Variants in ACP1 observed in about 807,000 individuals in gnomAD.
ACP1 encodes the protein acid phosphatase 1, also known as low molecular weight phosphotyrosine protein phosphatase.
In ACP1, 23 loss-of-function variants were observed where a neutral mutation model predicts 23.4. That is an observed-to-expected ratio of 0.98 (90% CI 0.71 to 1.39). The LOEUF is 1.39. Ranked by LOEUF, ACP1 falls within the 40% of genes most tolerant of loss-of-function variation. The probability of loss-of-function intolerance (pLI) is 0.00; values close to 1 mark genes in which losing one functional copy is unlikely to be tolerated. For missense variants in ACP1, 180 were observed against 197.7 expected, an observed-to-expected ratio of 0.91 and a Z score of 0.54; for synonymous variants, 72 against 67.2, an observed-to-expected ratio of 1.07 and a Z score of -0.35.
intron 1 of ACP1, among the ~76,000 whole-genome samples, chr2:269,941 C>G (rs779826005): frequency 3.3e-5 from 5 of 152,216 alleles, no homozygotes; most frequent in Non-Finnish European, 7.3e-5. Context: ...TTTGGGTCTT[C>G]ATTTCTGAAG....
In ACP1 at chr2:277,215, C is replaced by A. The variant is rs1383645465; in HGVS notation, c.400-12C>A. The A allele has an allele frequency of 6.2e-7, 1 of 1,613,944 alleles. No homozygotes were observed. The highest frequency in any genetic ancestry group is 2.2e-5 in the East Asian group (1 of 44,882). ...AGGTTTTGCCATTTTCTTCTTTTTC[C>A]TGTCCATTTAGGGGAATGACTCTGA... On this transcript the variant is annotated splice_polypyrimidine_tract_variant and intron_variant, in intron 5 of 5. Coordinates refer to ENST00000272065, the MANE Select transcript of ACP1 (RefSeq NM_004300.4).
chr2:272,959 T>C (rs924385603), intron 3 of ACP1: 6 of 154,558 alleles, frequency 3.9e-5, no homozygotes, highest in Non-Finnish European at 7.3e-5. Context: ...TTATACAATT[T>C]ATCCATCCTC....
intron 3 of ACP1, chr2:272,673 A>T (rs1670078768): frequency 3.0e-6 from 1 of 332,606 alleles, no homozygotes; most frequent in Non-Finnish European, 5.3e-6. Flanking sequence ...TATAATATAT[A>T]CAAAAACATT....
chr2:276,673 A>G (rs906130998), intron 4 of ACP1, among the ~76,000 whole-genome samples: 20 of 152,306 alleles, frequency 1.3e-4, no homozygotes, highest in African/African-American at 3.4e-4. Flanking sequence ...GTTCCTTTCT[A>G]TGACCTTTAT....
chr2:265,162 C>A, intron 1 of ACP1, 155 bp downstream of exon 1: 1 of 801,036 alleles, frequency 1.2e-6, no homozygotes, highest in African/African-American at 1.8e-5. Context: ...CCGCAGCGCC[C>A]CTGTTCCCCA....
chr2:271,994 ATTG>A, intron 2 of ACP1, 40 bp from the exon 3 acceptor site: 1 of 1,483,592 alleles, frequency 6.7e-7, no homozygotes, highest in Non-Finnish European at 9.0e-7. Context: ...TGGGCAGGAA[ATTG>A]CAAAAAAAAA....
At chr2:272,855 G>A (rs1670083819) in intron 3 of ACP1, 1 of 155,560 alleles carries the variant, frequency 6.4e-6, no homozygotes, top group Middle Eastern at 5.3e-4. Flanking sequence ...AGAAGCTAAA[G>A]TTGATTTTTC....
intron 1 of ACP1, among the ~76,000 whole-genome samples, chr2:268,532 C>A (rs1168511419): frequency 6.6e-6 from 1 of 152,200 alleles, no homozygotes; most frequent in Non-Finnish European, 1.5e-5. Context: ...ATAGCACATG[C>A]TGGTGGAGTC....
At position 271,555 on chromosome 2, in the gene ACP1, C is replaced by CTGG. The variant is rs532794581; in HGVS notation, c.44-311_44-310insTGG. Reference sequence around the variant, plus strand: ...TGCAACCCACTTCATTTTCGTGATTCACTCCTGGATCATTAGTAGCAACTC... The same window carrying CTGG: ...TGCAACCCACTTCATTTTCGTGATTCTGGACTCCTGGATCATTAGTAGCAACTC... On this transcript the variant is annotated intron_variant, in intron 1 of 5. Coordinates refer to ENST00000272065, the MANE Select transcript of ACP1 (RefSeq NM_004300.4). 2.6e-3 allele frequency among the ~76,000 whole-genome samples: 394 copies of CTGG among 152,250 alleles called. 14 individuals carry two copies. In the South Asian group the frequency reaches 0.079, roughly 30 times the overall value.
chr2:266,989 A>G (rs376318237), intron 1 of ACP1, among the ~76,000 whole-genome samples: 19 of 152,294 alleles, frequency 1.2e-4, no homozygotes, highest in African/African-American at 3.8e-4. Context: ...CTAGAGGGCA[A>G]TAGGTGGATA....
chr2:265,122 C>A (rs1217856751), intron 1 of ACP1, 115 bp downstream of exon 1: 2 of 1,323,614 alleles, frequency 1.5e-6, no homozygotes, highest in African/African-American at 3.0e-5. Context: ...AGGCCAGGGA[C>A]TGGGAGGCCT....
chr2:271,764 G>A (rs1444823315), intron 1 of ACP1, 102 bp from the exon 2 acceptor site: 2 of 916,898 alleles, frequency 2.2e-6, no homozygotes, highest in Admixed American at 1.7e-5. Flanking sequence ...TTTCCTGAGG[G>A]ATAGCACAGC....
Position 272,119 on chromosome 2 carries a change from A to C in ACP1, c.200A>C (p.His67Pro). The C allele has an allele frequency of 6.2e-7, 1 of 1,614,192 alleles. No homozygotes were observed. Among genetic ancestry groups the C allele is most frequent in the South Asian group, 1.1e-5 (1 of 91,080 alleles). Reference protein sequence around the residue: ...DYRGQSCMKRHGIPMSHVARQ... With the variant: ...DYRGQSCMKRPGIPMSHVARQ... ...CGAGGGCAGAGCTGCATGAAGAGGC[A>C]CGGCATTCCCATGAGCCACGTTGCC... The change falls in exon 3 of 6, where the codon CAC becomes CCC. Residue 67 changes from histidine to proline, a missense_variant. Transcript: ENST00000272065.
intron 3 of ACP1, chr2:272,730 A>G: frequency 5.3e-6 from 1 of 190,314 alleles, no homozygotes; most frequent in South Asian, 1.5e-4. Flanking sequence ...TACCAGCAAC[A>G]TTATGGATAT....
chr2:271,109 G>C (rs1416518413), intron 1 of ACP1, among the ~76,000 whole-genome samples: 1 of 152,058 alleles, frequency 6.6e-6, no homozygotes, highest in African/African-American at 2.4e-5. Context: ...CTTTGCATGT[G>C]ATCGCTCAGT....
At chr2:266,807 T>A (rs1325851305) in intron 1 of ACP1, among the ~76,000 whole-genome samples, 1 of 152,194 alleles carries the variant, frequency 6.6e-6, no homozygotes, top group Non-Finnish European at 1.5e-5. Context: ...TTTTTTTCTT[T>A]CCATAAGAAG....
At chr2:272,449 T>C in intron 3 of ACP1, 1 of 1,445,208 alleles carries the variant, frequency 6.9e-7, no homozygotes, top group Non-Finnish European at 9.1e-7. Context: ...TTGTTTCACT[T>C]CTGGTTGCAC....
At chr2:275,996 C>CT (rs1015833263) in intron 4 of ACP1, among the ~76,000 whole-genome samples, 2 of 151,768 alleles carry the variant, frequency 1.3e-5, no homozygotes, top group African/African-American at 4.8e-5. Context: ...TTTTTCAGTC[C>CT]TTATTCTGTT....
chr2:272,514 G>A (rs1466273639), intron 3 of ACP1: 4 of 1,416,980 alleles, frequency 2.8e-6, no homozygotes, highest in Non-Finnish European at 2.8e-6. Flanking sequence ...GCACATAAAA[G>A]CTAGGTAATT....
Sources: allele counts gnomAD v4.1 joint callset (sites outside exome capture counted in the v4.1 genomes callset), GRCh38; gene constraint gnomAD v4.1.1; transcripts MANE v1.5; gene names NCBI Gene and HGNC (gene_info 2026-07-23, HGNC 2026-07-21).